The following ZIM3 variants were observed in gnomAD, a reference collection of about 807,000 sequenced individuals.
ZIM3 encodes the protein zinc finger protein 657.
A neutral mutation model predicts 12.9 loss-of-function variants in ZIM3; 11 were observed. That is an observed-to-expected ratio of 0.85 (90% CI 0.54 to 1.41). The LOEUF (loss-of-function observed/expected upper bound fraction) is 1.41. ZIM3 is among the 40% of genes most tolerant of loss of function. The pLI is 0.00. For synonymous variants in ZIM3, 205 were observed against 198.5 expected (o/e 1.03, Z -0.28); for missense variants, 604 against 557.2 (o/e 1.08, Z -0.85).
At chr19:57,141,246 T>G (rs2086912087) in intron 2 of ZIM3, among the ~76,000 whole-genome samples, 1 of 151,550 alleles carries the variant, frequency 6.6e-6, no homozygotes, top group Non-Finnish European at 1.5e-5. Context: ...AATACAAAAA[T>G]TAGCCGGGCG....
intron 2 of ZIM3, 80 bp downstream of exon 2, chr19:57,142,549 A>G (rs2086918136): frequency 4.1e-6 from 6 of 1,468,216 alleles, no homozygotes; most frequent in South Asian, 1.2e-5. Context: ...CCAAAAGGTT[A>G]GCACAGTTAA....
chr19:57,144,266 T>C (rs2086927660), intron 1 of ZIM3, among the ~76,000 whole-genome samples: 2 of 151,730 alleles, frequency 1.3e-5, no homozygotes, highest in South Asian at 4.2e-4. Flanking sequence ...CCTAAACTGG[T>C]CTCAAACTCC....
At chr19:57,139,817 C>T (rs772100764) in intron 2 of ZIM3, among the ~76,000 whole-genome samples, 1 of 152,186 alleles carries the variant, frequency 6.6e-6, no homozygotes, top group Admixed American at 6.5e-5. Context: ...TTTCCACAGT[C>T]GACATTCAGA....
intron 1 of ZIM3, among the ~76,000 whole-genome samples, 167 bp from the exon 2 acceptor site, chr19:57,142,852 T>G (rs1311058098): frequency 1.3e-5 from 2 of 152,034 alleles, no homozygotes. Context: ...TTTTTTTTTT[T>G]GTTTTGGTTT....
rs147164802 is a variant in ZIM3 at position 57,140,330 on chromosome 19, C to T, written c.16-1732G>A. 5.9e-3 allele frequency among the ~76,000 whole-genome samples: 892 copies of T among 152,130 alleles called. 27 individuals are homozygous for T. The highest frequency in any genetic ancestry group is 0.053 in the Admixed American group (807 of 15,248). ...CAGCTGGGATTACAGGCGCGCACCA[C>T]GACACCTGGCTAATTTTTGTACTTT... On this transcript the variant is annotated intron_variant, in intron 2 of 4. Transcript: ENST00000269834.
Position 57,136,022 on chromosome 19 carries a change from T to A in ZIM3, c.315A>T (p.Pro105=), listed in dbSNP as rs1000267113. ...DVKESLAREV[P]SINKETLTTQ... ...TAGTCAGCGTTTCCTTATTGATTGA[T>A]GGGACTTCTCTTGCGAGACTCTCTT... Residue 105 remains proline (P), a synonymous_variant, in exon 5 of 5, where the codon CCA becomes CCT. Transcript: ENST00000269834. The A allele has an allele frequency of 6.2e-7, 1 of 1,614,198 alleles. No individual in the cohort carries two copies. The highest frequency in any genetic ancestry group is 1.1e-5 in the South Asian group (1 of 91,076).
intron 2 of ZIM3, among the ~76,000 whole-genome samples, chr19:57,140,465 C>T (rs373787754): frequency 1.3e-4 from 19 of 151,756 alleles, no homozygotes; most frequent in African/African-American, 4.6e-4. Flanking sequence ...GATGAGCCAC[C>T]GCACCCGGCC....
At position 57,134,868 on chromosome 19, in the gene ZIM3, C is replaced by T; in HGVS notation, c.*50G>A. 1 of 1,530,592 alleles carries T rather than the reference C, an allele frequency of 6.5e-7. No homozygotes were observed. Among genetic ancestry groups the T allele is most frequent in the Non-Finnish European group, 8.8e-7 (1 of 1,137,956 alleles). 94.8% of individuals were successfully genotyped at this position (1,530,592 alleles called of 1,614,324 possible). On this transcript the variant is annotated 3_prime_UTR_variant, in exon 5 of 5. Coordinates refer to ENST00000269834, the MANE Select transcript of ZIM3 (RefSeq NM_052882.1). Reference sequence around the variant, plus strand: ...ATTTCAACATGGAATTCTGGGGTGACAATTCCAGGCAACCATATCTTCCCA... The same window carrying T: ...ATTTCAACATGGAATTCTGGGGTGATAATTCCAGGCAACCATATCTTCCCA...
intron 2 of ZIM3, among the ~76,000 whole-genome samples, chr19:57,141,104 G>A (rs1200457490): frequency 6.6e-6 from 1 of 152,128 alleles, no homozygotes; most frequent in Admixed American, 6.6e-5. Context: ...ATGGTCAAAA[G>A]ATGCTTGAGG....
In ZIM3 at chr19:57,136,809, C is replaced by T. The variant is rs1246676859; in HGVS notation, c.241+64G>A. On this transcript the variant is annotated intron_variant, in intron 4 of 4. Transcript: ENST00000269834. ...ACAGCTGGCTGCCAAACGACTTCCT[C>T]ATTTAGAAAAGCTGAATTGGCTTCC... 5.5e-6 allele frequency: 8 copies of T among 1,442,802 alleles called. 1 individual carries two copies. The highest frequency in any genetic ancestry group is 2.3e-5 in the South Asian group (2 of 86,008). 89.4% of individuals were successfully genotyped at this position (1,442,802 alleles called of 1,614,324 possible). A position where few individuals can be genotyped will look rare whatever the true frequency, so the allele number is the denominator to read the frequency against.
chr19:57,144,731 A>G (rs916526829), intron 1 of ZIM3, 128 bp downstream of exon 1: 4 of 152,188 alleles, frequency 2.6e-5, no homozygotes, highest in East Asian at 1.9e-4. Flanking sequence ...TAAACTACCA[A>G]TGTAAAATAT....
intron 3 of ZIM3, among the ~76,000 whole-genome samples, chr19:57,138,142 A>G (rs2086898386): frequency 6.7e-6 from 1 of 148,812 alleles, no homozygotes; most frequent in African/African-American, 2.5e-5. Flanking sequence ...GAGGGAGGGA[A>G]GGAAGGGAAA....
chr19:57,139,357 G>GAAAA, intron 2 of ZIM3, among the ~76,000 whole-genome samples: 1 of 151,604 alleles, frequency 6.6e-6, no homozygotes, highest in African/African-American at 2.4e-5. Flanking sequence ...AAAAAGAAAA[G>GAAAA]AAAAGAAAAT....
At chr19:57,137,026 G>T in intron 3 of ZIM3, 55 bp from the exon 4 acceptor site, 1 of 1,553,876 alleles carries the variant, frequency 6.4e-7, no homozygotes, top group Non-Finnish European at 8.9e-7. Context: ...AGTTGTTTGT[G>T]CAAGTGTATG....
In ZIM3 at chr19:57,135,824, G is replaced by A; in HGVS notation, c.513C>T (p.Ala171=). Reference sequence around the variant, plus strand: ...ACTTTGAACTGAATAACTTTCTACAGGCATTACATTTCAGTTGTTGTCCTA... The same window carrying A: ...ACTTTGAACTGAATAACTTTCTACAAGCATTACATTTCAGTTGTTGTCCTA... The part of the protein sequence containing the change: ...KFVGQQLKCN[A]CRKLFSSKSR... Residue 171 remains alanine (A), a synonymous_variant, in exon 5 of 5, where the codon GCC becomes GCT. Coordinates refer to ENST00000269834, the MANE Select transcript of ZIM3 (RefSeq NM_052882.1). 4 of 1,614,098 alleles carry A rather than the reference G, an allele frequency of 2.5e-6. No individual in the cohort carries two copies. Among genetic ancestry groups the A allele is most frequent in the Non-Finnish European group, 3.4e-6 (4 of 1,180,018 alleles).
At position 57,135,138 on chromosome 19, in the gene ZIM3, A is replaced by G; in HGVS notation, c.1199T>C (p.Phe400Ser). ...PYECNRCGKAFFQKSNLHSHQ... is the reference protein window; with the variant it reads ...PYECNRCGKASFQKSNLHSHQ... ...GCTATGAAGGTTTGACTTCTGAAAGAAGGCTTTTCCACATCTGTTACATTC... is the reference window on the plus strand; with the variant it reads ...GCTATGAAGGTTTGACTTCTGAAAGGAGGCTTTTCCACATCTGTTACATTC... Residue 400 changes from phenylalanine to serine, a missense_variant, in exon 5 of 5, where the codon TTC becomes TCC. Phe to Ser is a radical substitution (Grantham distance 155). Coordinates refer to ENST00000269834, the MANE Select transcript of ZIM3 (RefSeq NM_052882.1). The G allele has an allele frequency of 6.2e-7, 1 of 1,614,186 alleles. No homozygotes were observed. The highest frequency in any genetic ancestry group is 8.5e-7 in the Non-Finnish European group (1 of 1,180,034).
rs1358973556 is a variant in ZIM3 at position 57,136,107 on chromosome 19, T to A, written c.242-12A>T. On this transcript the variant is annotated splice_polypyrimidine_tract_variant and intron_variant, in intron 4 of 4. Coordinates refer to ENST00000269834, the MANE Select transcript of ZIM3 (RefSeq NM_052882.1). ...GTCCCCATTTTTTTCTAAAATGGAA[T>A]ACAAAAAAATGTCCTGTGTAAAACG... The A allele has an allele frequency of 3.1e-6, 5 of 1,593,878 alleles. No homozygotes were observed. In the Admixed American group the frequency reaches 5.4e-5, roughly 17 times the overall value.
Position 57,137,912 on chromosome 19 carries a change from A to G in ZIM3, c.142+560T>C, listed in dbSNP as rs1232558883. Among the ~76,000 whole-genome samples the G allele has an allele frequency of 4.4e-3, 240 of 54,174 alleles. 5 individuals carry two copies. The highest frequency in any genetic ancestry group is 6.0e-3 in the Non-Finnish European group (168 of 27,976). 35.5% of individuals were successfully genotyped at this position (54,174 alleles called of 152,430 possible). A position where few individuals can be genotyped will look rare whatever the true frequency, so the allele number is the denominator to read the frequency against. Reference sequence around the variant, plus strand: ...GAAAGAAGGAAGGAAAGAAGGAAGGAAGGAAGGAAAGAAGGAAGGAAGGAA... The same window carrying G: ...GAAAGAAGGAAGGAAAGAAGGAAGGGAGGAAGGAAAGAAGGAAGGAAGGAA... On this transcript the variant is annotated intron_variant, in intron 3 of 4. Transcript: ENST00000269834.
rs982648899 is a variant in ZIM3, at chr19:57,137,346, C to T, written c.143-375G>A. ...CCCAGTCTCTACAAAACCAAAGCCACGTGTGGTGGTGCACGTCTGTGGTCC... is the reference window on the plus strand; with the variant it reads ...CCCAGTCTCTACAAAACCAAAGCCATGTGTGGTGGTGCACGTCTGTGGTCC... On this transcript the variant is annotated intron_variant, in intron 3 of 4. Coordinates refer to ENST00000269834, the MANE Select transcript of ZIM3 (RefSeq NM_052882.1). Among the ~76,000 whole-genome samples the T allele has an allele frequency of 9.2e-5, 14 of 152,078 alleles. 1 individual carries two copies. The highest frequency in any genetic ancestry group is 5.9e-4 in the Admixed American group (9 of 15,254).
Sources: gnomAD v4.1 joint callset for allele counts (sites outside exome capture counted in the v4.1 genomes callset) on GRCh38, gnomAD v4.1.1 for gene constraint, MANE v1.5 for transcripts, NCBI Gene and HGNC (gene_info 2026-07-23, HGNC 2026-07-21) for gene names.